Variants in CDH9 observed in about 807,000 individuals in gnomAD.
CDH9 encodes the protein cadherin 9.
CDH9 carries 28 observed loss-of-function variants against 70.9 expected under a neutral mutation model. The ratio of observed to expected loss-of-function variants is 0.40; its 90% CI spans 0.29 to 0.54. CDH9 has a LOEUF of 0.54. Ranked by LOEUF, CDH9 falls within the 20% of genes least tolerant of loss-of-function variation. CDH9 has a pLI of 0.59. For synonymous variants in CDH9, 409 were observed against 343.1 expected, an observed-to-expected ratio of 1.19 and a Z score of -2.12; for missense variants, 874 against 984.4, an observed-to-expected ratio of 0.89 and a Z score of 1.50.
intron 2 of CDH9, among the ~76,000 whole-genome samples, chr5:26,945,786 G>C (rs1295112288): frequency 6.6e-6 from 1 of 152,190 alleles, no homozygotes; most frequent in African/African-American, 2.4e-5. Context: ...AACCTGGAAA[G>C]AGAAAGGGCT....
intron 2 of CDH9, among the ~76,000 whole-genome samples, chr5:26,929,183 CTCAA>C (rs1218667261): frequency 6.6e-6 from 1 of 151,996 alleles, no homozygotes; most frequent in South Asian, 2.1e-4. Flanking sequence ...GACAAAATAT[CTCAA>C]TCAACATTTT....
At chr5:26,976,921 C>G (rs1032040076) in intron 2 of CDH9, among the ~76,000 whole-genome samples, 12 of 151,640 alleles carry the variant, frequency 7.9e-5, no homozygotes, top group Non-Finnish European at 1.6e-4. Flanking sequence ...ATTATATTTA[C>G]TAAAATTACT....
chr5:27,029,575 C>T (rs1743276512), intron 1 of CDH9, among the ~76,000 whole-genome samples: 1 of 151,956 alleles, frequency 6.6e-6, no homozygotes. Flanking sequence ...CCCAGCGCAG[C>T]AGGTGCAGCC....
At chr5:27,006,807 ATTG>A (rs973078323) in intron 1 of CDH9, among the ~76,000 whole-genome samples, 17 of 152,106 alleles carry the variant, frequency 1.1e-4, no homozygotes, top group African/African-American at 3.1e-4. Context: ...AAATCTATGT[ATTG>A]TTGTCACCCT....
chr5:27,007,304 C>A (rs890528080), intron 1 of CDH9, among the ~76,000 whole-genome samples: 2 of 151,958 alleles, frequency 1.3e-5, no homozygotes, highest in African/African-American at 4.8e-5. Flanking sequence ...AAACTGTTAG[C>A]CAGTTTATGT....
At chr5:26,970,426 C>T (rs1427112655) in intron 2 of CDH9, among the ~76,000 whole-genome samples, 1 of 151,956 alleles carries the variant, frequency 6.6e-6, no homozygotes, top group Non-Finnish European at 1.5e-5. Flanking sequence ...ATTTACCTAA[C>T]ATGAGAAATG....
rs114929445 is a variant in CDH9, at chr5:27,034,774, G to A, written c.-50+3689C>T. Among the ~76,000 whole-genome samples, 1,389 of 151,692 alleles carry A rather than the reference G, an allele frequency of 9.2e-3. 29 individuals carry two copies. Among genetic ancestry groups the A allele is most frequent in the African/African-American group, 0.032 (1,312 of 41,462 alleles). On this transcript the variant is annotated intron_variant, in intron 1 of 11. Coordinates refer to ENST00000231021, the MANE Select transcript of CDH9 (RefSeq NM_016279.4). ...TGTTCAGGCACTTTGCATTTGTAAT[G>A]TGGCTAGAAGACTATGTCTTACTAG...
intron 2 of CDH9, among the ~76,000 whole-genome samples, chr5:26,983,290 G>T (rs928436785): frequency 2.6e-5 from 4 of 152,050 alleles, no homozygotes; most frequent in Admixed American, 1.3e-4. Flanking sequence ...GAATACTAAC[G>T]GACAATTTGA....
At chr5:26,979,125 G>A (rs1011185879) in intron 2 of CDH9, among the ~76,000 whole-genome samples, 1 of 151,298 alleles carries the variant, frequency 6.6e-6, no homozygotes, top group Non-Finnish European at 1.5e-5. Flanking sequence ...ATTTCTAAAA[G>A]TTTTAAAATA....
intron 7 of CDH9, among the ~76,000 whole-genome samples, chr5:26,894,333 T>C (rs565823469): frequency 2.0e-5 from 3 of 152,278 alleles, no homozygotes; most frequent in Non-Finnish European, 4.4e-5. Flanking sequence ...AACTGAGGAA[T>C]AGCTAACAAT....
chr5:27,033,412 A>T (rs1229046652), intron 1 of CDH9, among the ~76,000 whole-genome samples: 1 of 151,504 alleles, frequency 6.6e-6, no homozygotes, highest in East Asian at 1.9e-4. Context: ...ATAGATACAG[A>T]TATACAGAAA....
intron 3 of CDH9, among the ~76,000 whole-genome samples, chr5:26,907,500 A>G (rs1740970545): frequency 6.6e-6 from 1 of 152,092 alleles, no homozygotes; most frequent in African/African-American, 2.4e-5. Context: ...TTATTCTCCA[A>G]AAGAAGATCT....
rs5866811 is a variant in CDH9 at position 26,913,757 on chromosome 5, TTGTGTGTGTGTGTG to T, written c.523+1859_523+1872del. On this transcript the variant is annotated intron_variant, in intron 3 of 11. Coordinates refer to ENST00000231021, the MANE Select transcript of CDH9 (RefSeq NM_016279.4). Reference sequence around the variant, plus strand: ...GATTCTAAAATATATACATATATGTTTGTGTGTGTGTGTGTGTGTGTGTGTGTGTGTGTGTGCAT... The same window carrying T: ...GATTCTAAAATATATACATATATGTTTGTGTGTGTGTGTGTGTGTGTGCAT... Among the ~76,000 whole-genome samples, 183 of 145,544 alleles carry T rather than the reference TTGTGTGTGTGTGTG, an allele frequency of 1.3e-3. 2 individuals carry two copies. In the East Asian group the frequency reaches 0.017, roughly 14 times the overall value.
intron 7 of CDH9, among the ~76,000 whole-genome samples, chr5:26,895,216 G>C (rs557035052): frequency 6.6e-6 from 1 of 152,038 alleles, no homozygotes; most frequent in African/African-American, 2.4e-5. Context: ...TTTCATAGCT[G>C]TGACCTAGCC....
At chr5:26,909,289 T>C (rs1475726485) in intron 3 of CDH9, among the ~76,000 whole-genome samples, 1 of 152,188 alleles carries the variant, frequency 6.6e-6, no homozygotes, top group African/African-American at 2.4e-5. Context: ...AGCCATTTTA[T>C]ACTAATTTTA....
At position 26,976,712 on chromosome 5, in the gene CDH9, A is replaced by G. The variant is rs371081070; in HGVS notation, c.228+11394T>C. 7.2e-5 allele frequency among the ~76,000 whole-genome samples: 11 copies of G among 152,134 alleles called. No homozygotes were observed. The East Asian group carries it at 2.1e-3, about 29-fold the overall frequency. On this transcript the variant is annotated intron_variant, in intron 2 of 11. Transcript: ENST00000231021. ...ATTTTTATGCATATTTGATTTCTCC[A>G]TATATTGCTTCCTTTTATGTTTCTA...
intron 2 of CDH9, among the ~76,000 whole-genome samples, chr5:26,951,720 T>C (rs1741848765): frequency 6.6e-6 from 1 of 152,092 alleles, no homozygotes; most frequent in South Asian, 2.1e-4. Flanking sequence ...TAAGTAAGTT[T>C]TATGTTGGGT....
intron 2 of CDH9, among the ~76,000 whole-genome samples, chr5:26,970,288 T>C (rs1336442104): frequency 9.9e-5 from 15 of 152,012 alleles, no homozygotes; most frequent in Admixed American, 9.8e-4. Context: ...GTGTAAATTA[T>C]AGTTATTGAT....
intron 2 of CDH9, among the ~76,000 whole-genome samples, chr5:26,934,000 G>T (rs1579460271): frequency 6.6e-6 from 1 of 152,156 alleles, no homozygotes; most frequent in African/African-American, 2.4e-5. Context: ...AAGTTCTTCA[G>T]GTTGTATAAG....
Sources: gnomAD v4.1 joint callset for allele counts (sites outside exome capture counted in the v4.1 genomes callset) on GRCh38, gnomAD v4.1.1 for gene constraint, MANE v1.5 for transcripts, NCBI Gene and HGNC (gene_info 2026-07-23, HGNC 2026-07-21) for gene names.